GALNT15: variants seen among roughly 807,000 people sequenced by gnomAD.
The protein encoded by GALNT15 is polypeptide N-acetylgalactosaminyltransferase 15, also known as UDP-GalNAc transferase T15.
In GALNT15, 67 loss-of-function variants were observed where a neutral mutation model predicts 66.8. That is an observed-to-expected ratio of 1.00 (90% CI 0.82 to 1.23). The LOEUF (loss-of-function observed/expected upper bound fraction) is 1.23. GALNT15 is among the 50% of genes most tolerant of loss of function. GALNT15 has a pLI of 0.00. For synonymous variants in GALNT15, 313 were observed against 311.5 expected, an observed-to-expected ratio of 1.00 and a Z score of -0.05; for missense variants, 827 against 804.3, an observed-to-expected ratio of 1.03 and a Z score of -0.34.
chr3:16,208,790 C>A, intron 4 of GALNT15, 120 bp downstream of exon 4: 1 of 887,740 alleles, frequency 1.1e-6, no homozygotes, highest in Non-Finnish European at 1.8e-6. Flanking sequence ...ATGTATGCCA[C>A]AGTTTCCTTT....
the GALNT15 span, among the ~76,000 whole-genome samples, chr3:16,239,350 C>G: frequency 6.6e-6 from 1 of 152,154 alleles, no homozygotes; most frequent in African/African-American, 2.4e-5. The surrounding 1 kb of genome is among the most constrained non-coding windows in gnomAD (Gnocchi z 5.2). Flanking sequence ...TGGCCAGTGA[C>G]AGTACATGCA....
chr3:16,216,501 GAAAA>G (rs11377669), intron 6 of GALNT15, among the ~76,000 whole-genome samples: 1 of 144,114 alleles, frequency 6.9e-6, no homozygotes. Context: ...TCTGTCTCGG[GAAAA>G]AAAAAAAAAG....
rs1289899376 is a variant in GALNT15 at position 16,188,498 on chromosome 3, G to A, written c.540-7262G>A. The stretch of plus-strand genomic sequence containing the variant: ...CCAGTGACATCAGCTGTTCCTTTTA[G>A]GTGGGCCATGTGGTCTCGGGCTCAC... On this transcript the variant is annotated intron_variant, in intron 1 of 9. Transcript: ENST00000339732. This position sits in a 1 kb window ranked among gnomAD's most constrained non-coding sequence, Gnocchi z 4.6. Among the ~76,000 whole-genome samples, 1 of 152,188 alleles carries A rather than the reference G, an allele frequency of 6.6e-6. No homozygotes were observed. Among genetic ancestry groups the A allele is most frequent in the Non-Finnish European group, 1.5e-5 (1 of 68,040 alleles).
In GALNT15 at chr3:16,225,846, G is replaced by T. The variant is rs2064006690; in HGVS notation, c.1774-1508G>T. Among the ~76,000 whole-genome samples the T allele has an allele frequency of 6.6e-6, 1 of 152,016 alleles. No homozygotes were observed. Among genetic ancestry groups the T allele is most frequent in the Admixed American group, 6.5e-5 (1 of 15,272 alleles). On this transcript the variant is annotated intron_variant, in intron 9 of 9. Coordinates refer to ENST00000339732, the MANE Select transcript of GALNT15 (RefSeq NM_054110.5). This position sits in a 1 kb window ranked among gnomAD's most constrained non-coding sequence, Gnocchi z 4.4. ...GAGGTCAGGAGTTCGAGACCAGCCT[G>T]GCCAATATGGGTTTTTAGTAGAGAA...
Position 16,227,566 on chromosome 3 carries a change from G to T in GALNT15, c.*66G>T, listed in dbSNP as rs1457756656. ...ATCCAGCTCCAAGTGAACTTAAAGA[G>T]CTTATATATTTCATGAAGCTGATCC... On this transcript the variant is annotated 3_prime_UTR_variant, in exon 10 of 10. Transcript: ENST00000339732. The surrounding 1 kb of genome is among the most constrained non-coding windows in gnomAD (Gnocchi z 4.5). The T allele has an allele frequency of 6.2e-7, 1 of 1,612,548 alleles. No homozygotes were observed. Among genetic ancestry groups the T allele is most frequent in the Non-Finnish European group, 8.5e-7 (1 of 1,179,584 alleles).
At chr3:16,208,397 A>C in intron 3 of GALNT15, 106 bp from the exon 4 acceptor site, 2 of 1,050,450 alleles carry the variant, frequency 1.9e-6, no homozygotes, top group Non-Finnish European at 2.8e-6. Context: ...CATTTTAGGT[A>C]CGGGTGTCTG....
At chr3:16,223,992 C>T (rs2063978754) in intron 9 of GALNT15, among the ~76,000 whole-genome samples, 1 of 152,080 alleles carries the variant, frequency 6.6e-6, no homozygotes, top group Admixed American at 6.6e-5. Flanking sequence ...CATGTCTGGC[C>T]TCAAAGAAGT....
Position 16,212,662 on chromosome 3 carries a change from G to A in GALNT15, c.1291G>A (p.Glu431Lys). 1 of 1,613,818 alleles carries A rather than the reference G, an allele frequency of 6.2e-7. No homozygotes were observed. The highest frequency in any genetic ancestry group is 1.1e-5 in the South Asian group (1 of 91,058). Reference sequence around the variant, plus strand: ...GGATTCCCATTCCCCCCTCGACCAGGAGGCCACCCTGAGGAACAGGGTTCG... The same window carrying A: ...GGATTCCCATTCCCCCCTCGACCAGAAGGCCACCCTGAGGAACAGGGTTCG... ...NQDSHSPLDQEATLRNRVRIA... is the reference protein window; with the variant it reads ...NQDSHSPLDQKATLRNRVRIA... Residue 431 changes from glutamate to lysine, a missense_variant, in exon 6 of 10, where the codon GAG becomes AAG. Glu to Lys is a moderately conservative substitution (Grantham distance 56). Coordinates refer to ENST00000339732, the MANE Select transcript of GALNT15 (RefSeq NM_054110.5).
At chr3:16,210,213 A>G (rs1025397053) in intron 4 of GALNT15, among the ~76,000 whole-genome samples, 4 of 152,196 alleles carry the variant, frequency 2.6e-5, no homozygotes, top group African/African-American at 7.2e-5. Context: ...TTTATCCCCA[A>G]TTAGAGGTGA....
downstream of GALNT15, among the ~76,000 whole-genome samples, chr3:16,235,725 G>T (rs2064121918): frequency 6.6e-6 from 1 of 152,078 alleles, no homozygotes; most frequent in African/African-American, 2.4e-5. Context: ...GTATGTTGGG[G>T]ATGGAAATCA....
intron 4 of GALNT15, 58 bp downstream of exon 4, chr3:16,208,728 C>T: frequency 1.3e-6 from 2 of 1,515,256 alleles, no homozygotes; most frequent in Non-Finnish European, 1.8e-6. Context: ...ACTCTGCAGC[C>T]TGCCTGCCTG....
At chr3:16,213,047 G>A (rs1197734340) in intron 6 of GALNT15, among the ~76,000 whole-genome samples, 1 of 152,156 alleles carries the variant, frequency 6.6e-6, no homozygotes, top group African/African-American at 2.4e-5. Flanking sequence ...CAGGGGAGGG[G>A]TTGGCACAGA....
rs191459387 is a variant in GALNT15, at chr3:16,196,200, C to T, written c.706+274C>T. ...GAGGGGTGTCGCCTCAGCCTGATCC[C>T]GTGGGGATCTCTCTCCCAGGTGCCA... On this transcript the variant is annotated intron_variant, in intron 2 of 9. Transcript: ENST00000339732. 1.4e-3 allele frequency among the ~76,000 whole-genome samples: 209 copies of T among 152,232 alleles called. 2 individuals are homozygous for T. The highest frequency in any genetic ancestry group is 9.3e-3 in the Admixed American group (142 of 15,286).
At chr3:16,197,684 G>A (rs184151348) in intron 2 of GALNT15, among the ~76,000 whole-genome samples, 36 of 152,306 alleles carry the variant, frequency 2.4e-4, no homozygotes, top group African/African-American at 6.5e-4. Context: ...CAGGGTATTC[G>A]TCTGGGGTGG....
intron 3 of GALNT15, among the ~76,000 whole-genome samples, chr3:16,202,859 T>C (rs1031046479): frequency 2.6e-5 from 4 of 152,234 alleles, no homozygotes; most frequent in Non-Finnish European, 5.9e-5. Flanking sequence ...TCGAGAACCC[T>C]GAGTTCCAGG....
At position 16,180,646 on chromosome 3, in the gene GALNT15, G is replaced by A. The variant is rs2063460237; in HGVS notation, c.539+4956G>A. 6.6e-6 allele frequency among the ~76,000 whole-genome samples: 1 copy of A among 152,204 alleles called. No individual in the cohort carries two copies. The highest frequency in any genetic ancestry group is 1.5e-5 in the Non-Finnish European group (1 of 68,038). ...GGAACTACTGGTAGAGAAAGCGAGT[G>A]GAGAGCTGGTAGAGTTTGGGAAGTT... is the stretch of plus-strand genomic sequence containing the variant. On this transcript the variant is annotated intron_variant, in intron 1 of 9. Coordinates refer to ENST00000339732, the MANE Select transcript of GALNT15 (RefSeq NM_054110.5). This position sits in a 1 kb window ranked among gnomAD's most constrained non-coding sequence, Gnocchi z 5.0.
intron 9 of GALNT15, 76 bp downstream of exon 9, chr3:16,222,834 C>A: frequency 5.9e-6 from 9 of 1,537,480 alleles, no homozygotes; most frequent in South Asian, 1.2e-5. Context: ...GGATCCTGGG[C>A]TCTTCCAAGA....
chr3:16,231,626 A>G (rs1327348049), downstream of GALNT15, among the ~76,000 whole-genome samples: 1 of 152,244 alleles, frequency 6.6e-6, no homozygotes, highest in Admixed American at 6.5e-5. The surrounding 1 kb of genome is among the most constrained non-coding windows in gnomAD (Gnocchi z 4.1). Context: ...GATAGTTTAT[A>G]AGCTCAGTCC....
chr3:16,216,191 C>T (rs2063874719), intron 6 of GALNT15, among the ~76,000 whole-genome samples: 1 of 152,124 alleles, frequency 6.6e-6, no homozygotes, highest in Non-Finnish European at 1.5e-5. Flanking sequence ...CAATTATTGC[C>T]TTCTCAGAAG....
Sources: allele counts gnomAD v4.1 joint callset (sites outside exome capture counted in the v4.1 genomes callset), GRCh38; gene constraint gnomAD v4.1.1; non-coding constraint Gnocchi (gnomAD v3.1); transcripts MANE v1.5; gene names NCBI Gene and HGNC (gene_info 2026-07-23, HGNC 2026-07-21).